CPNE1: variants seen among roughly 807,000 people sequenced by gnomAD.
CPNE1 encodes the protein copine-1.
A neutral mutation model predicts 63.2 loss-of-function variants in CPNE1; 58 were observed. The observed-to-expected ratio is 0.92, with a 90% CI of 0.74 to 1.14. The LOEUF (loss-of-function observed/expected upper bound fraction) is 1.14. CPNE1 is among the 50% of genes most tolerant of loss of function. The pLI is 0.00. For missense variants in CPNE1, 672 were observed against 661.7 expected, an observed-to-expected ratio of 1.02 and a Z score of -0.17; for synonymous variants, 237 against 249.0, an observed-to-expected ratio of 0.95 and a Z score of 0.45.
intron 13 of CPNE1, among the ~76,000 whole-genome samples, chr20:35,628,469 T>A (rs1038516032): frequency 1.3e-5 from 2 of 152,142 alleles, no homozygotes; most frequent in African/African-American, 4.8e-5. Context: ...AAAGTCAACA[T>A]GACTGGTAAT....
intron 1 of CPNE1, among the ~76,000 whole-genome samples, chr20:35,636,578 T>C (rs549810785): frequency 1.3e-5 from 2 of 152,284 alleles, no homozygotes; most frequent in Admixed American, 1.3e-4. Context: ...GGCAGGCGGA[T>C]CACTTGAGGT....
intron 1 of CPNE1, among the ~76,000 whole-genome samples, chr20:35,637,636 T>A (rs2032561735): frequency 6.6e-6 from 1 of 152,196 alleles, no homozygotes; most frequent in Admixed American, 6.5e-5. Context: ...ACTGCGATGT[T>A]TCCTCATTAG....
intron 1 of CPNE1, among the ~76,000 whole-genome samples, chr20:35,640,637 C>T (rs2032748440): frequency 1.3e-5 from 2 of 152,118 alleles, no homozygotes; most frequent in South Asian, 2.1e-4. Flanking sequence ...TTCTTATAAT[C>T]CTATCAAAAT....
At chr20:35,654,803 T>C (rs141540679) in intron 1 of CPNE1, 509 of 1,614,096 alleles carry the variant, frequency 3.2e-4, no homozygotes, top group African/African-American at 1.2e-3. Flanking sequence ...CTTGGAACAG[T>C]TGAGCTAAAC....
intron 1 of CPNE1, among the ~76,000 whole-genome samples, chr20:35,658,709 G>A (rs1425665551): frequency 6.6e-6 from 1 of 151,978 alleles, no homozygotes; most frequent in Non-Finnish European, 1.5e-5. Flanking sequence ...GCAGTGAGCC[G>A]AGATGGCACC....
Position 35,631,281 on chromosome 20 carries a change from A to G in CPNE1, c.788T>C (p.Val263Ala). The G allele has an allele frequency of 6.2e-7, 1 of 1,614,206 alleles. No homozygotes were observed. The highest frequency in any genetic ancestry group is 8.5e-7 in the Non-Finnish European group (1 of 1,180,030). The stretch of plus-strand genomic sequence containing the variant: ...CTTTTGTCTCACCCGACAAATCTTG[A>G]CACGGATAGTTCCAGAGTTCTTGTA... ...KSYKNSGTIR[V>A]KICRVETEYS... Residue 263 changes from valine (V) to alanine (A), a missense_variant, in exon 9 of 16, where the codon GTC (valine) becomes GCC (alanine). Val to Ala is a moderately conservative substitution (Grantham distance 64). Coordinates refer to ENST00000397443, the MANE Select transcript of CPNE1 (RefSeq NM_152925.3).
At chr20:35,641,758 T>C (rs1269958534) in intron 1 of CPNE1, among the ~76,000 whole-genome samples, 1 of 152,222 alleles carries the variant, frequency 6.6e-6, no homozygotes, top group Non-Finnish European at 1.5e-5. Flanking sequence ...ATTCTGTCGA[T>C]GTTTCTCCAG....
chr20:35,648,412 C>G (rs775491052), intron 1 of CPNE1, among the ~76,000 whole-genome samples: 2 of 152,172 alleles, frequency 1.3e-5, no homozygotes, highest in Non-Finnish European at 2.9e-5. Context: ...CATAACTGAT[C>G]TCTCCTGAAC....
At chr20:35,644,821 G>A (rs2146317124) in intron 1 of CPNE1, among the ~76,000 whole-genome samples, 1 of 152,210 alleles carries the variant, frequency 6.6e-6, no homozygotes, top group East Asian at 1.9e-4. Context: ...CTGACTGCTG[G>A]GGAAGGAAGG....
rs34136956 is a variant in CPNE1, at chr20:35,631,285, G to C, written c.784C>G (p.Arg262Gly). The change falls in exon 9 of 16, where the codon CGT (arginine) becomes GGT (glycine). Residue 262 changes from arginine to glycine, a missense_variant. Transcript: ENST00000397443. ...TGTCTCACCCGACAAATCTTGACAC[G>C]GATAGTTCCAGAGTTCTTGTAGCTT... ...KKSYKNSGTIRVKICRVETEY... is the reference protein window; with the variant it reads ...KKSYKNSGTIGVKICRVETEY... 4 of 1,614,120 alleles carry C rather than the reference G, an allele frequency of 2.5e-6. No homozygotes were observed. In the South Asian group the frequency reaches 3.3e-5, roughly 13 times the overall value.
intron 13 of CPNE1, among the ~76,000 whole-genome samples, chr20:35,628,106 C>T (rs927762475): frequency 6.6e-6 from 1 of 151,660 alleles, no homozygotes; most frequent in Non-Finnish European, 1.5e-5. Context: ...ACAGTGAAAC[C>T]CCGTCTCTAC....
At position 35,652,423 on chromosome 20, in the gene CPNE1, A is replaced by C. The variant is rs576987892; in HGVS notation, c.-1+12337T>G. 65 of 1,380,468 alleles carry C rather than the reference A, an allele frequency of 4.7e-5. No individual in the cohort carries two copies. In the African/African-American group the frequency reaches 8.4e-4, roughly 18 times the overall value. The allele number at this position is 1,380,468 out of a possible 1,614,324, so 85.5% of individuals were successfully genotyped here. On this transcript the variant is annotated intron_variant, in intron 1 of 15. Transcript: ENST00000397443. ...ATGGAAACCAAGCTATATGCAATTG[A>C]AACAATCCACAGGTTCTAACCTGGA... is the stretch of plus-strand genomic sequence containing the variant.
chr20:35,630,289 T>C (rs2032034372), intron 13 of CPNE1, 150 bp downstream of exon 13: 1 of 676,256 alleles, frequency 1.5e-6, no homozygotes, highest in Non-Finnish European at 2.5e-6. Context: ...AGCAAGACTC[T>C]TTCTCAAAAA....
chr20:35,627,156 C>A, intron 14 of CPNE1, 124 bp downstream of exon 14: 1 of 1,012,274 alleles, frequency 9.9e-7, no homozygotes, highest in Non-Finnish European at 1.4e-6. Flanking sequence ...TCACTGCACT[C>A]CAGCCTGGGT....
At chr20:35,630,408 G>C in intron 13 of CPNE1, 31 bp downstream of exon 13, 1 of 1,604,098 alleles carries the variant, frequency 6.2e-7, no homozygotes. Context: ...TGTGTGGACA[G>C]ACCTGCCTCA....
intron 1 of CPNE1, among the ~76,000 whole-genome samples, chr20:35,664,078 C>T (rs570883558): frequency 6.6e-6 from 1 of 152,226 alleles, no homozygotes; most frequent in Non-Finnish European, 1.5e-5. Flanking sequence ...CACCCCACCC[C>T]CTCACCTCCT....
At chr20:35,637,170 A>T (rs2032535156) in intron 1 of CPNE1, among the ~76,000 whole-genome samples, 1 of 152,044 alleles carries the variant, frequency 6.6e-6, no homozygotes, top group Non-Finnish European at 1.5e-5. Context: ...ACCCCTACCT[A>T]ACTTCAGGCC....
At chr20:35,651,788 T>A (rs2033538562) in intron 1 of CPNE1, 1 of 152,644 alleles carries the variant, frequency 6.6e-6, no homozygotes, top group Non-Finnish European at 1.5e-5. Context: ...GACTCCATAG[T>A]TTATTTTTAT....
In CPNE1 at chr20:35,632,663, T is replaced by C; in HGVS notation, c.163A>G (p.Ser55Gly). The change falls in exon 3 of 16, where the codon AGC becomes GGC. Residue 55 changes from serine (S) to glycine (G), a missense_variant. Coordinates refer to ENST00000397443, the MANE Select transcript of CPNE1 (RefSeq NM_152925.3). ...TGTAGAGTCTTGGAGAACTCAGGGC[T>C]TGAGCAGTTCCGCACCCGTTCAGTC... ...GRTERVRNCS[S>G]PEFSKTLQLE... The C allele has an allele frequency of 7.6e-7, 1 of 1,308,634 alleles. No individual in the cohort carries two copies. Among genetic ancestry groups the C allele is most frequent in the Non-Finnish European group, 1.1e-6 (1 of 900,936 alleles). 81.1% of individuals were successfully genotyped at this position (1,308,634 alleles called of 1,614,324 possible). A position where few individuals can be genotyped will look rare whatever the true frequency, so the allele number is the denominator to read the frequency against.
Sources: allele counts gnomAD v4.1 joint callset (sites outside exome capture counted in the v4.1 genomes callset), GRCh38; gene constraint gnomAD v4.1.1; transcripts MANE v1.5; gene names NCBI Gene and HGNC (gene_info 2026-07-23, HGNC 2026-07-21).